SPOCK1: variants seen among roughly 807,000 people sequenced by gnomAD.
SPOCK1 encodes the protein testican-1.
In SPOCK1, 23 loss-of-function variants were observed where a neutral mutation model predicts 55.3. That is an observed-to-expected ratio of 0.42 (90% CI 0.30 to 0.59). The LOEUF is 0.59. Among genes scored for constraint, SPOCK1 ranks in the 20% least tolerant of loss-of-function variants. SPOCK1 has a pLI of 0.22. For missense variants in SPOCK1, 499 were observed against 552.5 expected (o/e 0.90, Z 0.97); for synonymous variants, 226 against 221.0 (o/e 1.02, Z -0.20).
chr5:137,205,181 G>A (rs1047973431), intron 3 of SPOCK1, among the ~76,000 whole-genome samples: 1 of 152,200 alleles, frequency 6.6e-6, no homozygotes, highest in African/African-American at 2.4e-5. Flanking sequence ...TCACTGTGTA[G>A]CACAGAATTT....
intron 2 of SPOCK1, among the ~76,000 whole-genome samples, chr5:137,379,744 G>A (rs938959810): frequency 6.6e-6 from 1 of 152,170 alleles, no homozygotes; most frequent in South Asian, 2.1e-4. Flanking sequence ...GCCAAGACAT[G>A]CTTGGCAGTG....
At chr5:137,405,973 T>C (rs561201968) in intron 2 of SPOCK1, among the ~76,000 whole-genome samples, 22 of 152,190 alleles carry the variant, frequency 1.4e-4, no homozygotes, top group Non-Finnish European at 1.5e-4. Context: ...CAGAAGACTG[T>C]GGCTGGAAGG....
chr5:137,335,355 G>C (rs1750235117), intron 2 of SPOCK1, among the ~76,000 whole-genome samples: 1 of 152,206 alleles, frequency 6.6e-6, no homozygotes, highest in Admixed American at 6.5e-5. Flanking sequence ...AGGAATAAGA[G>C]AAGGCAATAT....
chr5:137,074,951 C>A (rs954366799), intron 5 of SPOCK1, among the ~76,000 whole-genome samples: 7 of 152,170 alleles, frequency 4.6e-5, no homozygotes, highest in Non-Finnish European at 8.8e-5. Context: ...GATCAGCCCA[C>A]CTCGGCCTCC....
intron 2 of SPOCK1, among the ~76,000 whole-genome samples, chr5:137,323,330 G>T (rs1332891103): frequency 6.6e-6 from 1 of 152,070 alleles, no homozygotes; most frequent in African/African-American, 2.4e-5. Context: ...GGTGGAAAAA[G>T]ATATTCCATG....
At chr5:137,229,912 T>C (rs1457148997) in intron 3 of SPOCK1, among the ~76,000 whole-genome samples, 2 of 152,106 alleles carry the variant, frequency 1.3e-5, no homozygotes, top group Non-Finnish European at 2.9e-5. Flanking sequence ...GCTCAGGCAG[T>C]AAGGCTCACT....
intron 6 of SPOCK1, among the ~76,000 whole-genome samples, chr5:137,010,292 A>G (rs377251068): frequency 3.9e-5 from 6 of 152,090 alleles, no homozygotes; most frequent in African/African-American, 1.4e-4. Flanking sequence ...CGCTGCTCCA[A>G]TTACCATAAC....
In SPOCK1 at chr5:136,988,615, G is replaced by A. The variant is rs1438473744; in HGVS notation, c.735C>T (p.Cys245=). Residue 245 remains cysteine, a synonymous_variant, in exon 8 of 11, where the codon TGC becomes TGT. Transcript: ENST00000394945. ...TGAACATCCAGCCCAGGGAGTCCTT[G>A]CAGATGGGCAGGATGCTAGTGTCAA... ...GRFDTSILPI[C]KDSLGWMFNK... 3 of 1,613,462 alleles carry A rather than the reference G, an allele frequency of 1.9e-6. No individual in the cohort carries two copies. In the Admixed American group the frequency reaches 5.0e-5, roughly 27 times the overall value.
At chr5:137,409,434 G>A (rs2127188157) in intron 2 of SPOCK1, among the ~76,000 whole-genome samples, 1 of 152,302 alleles carries the variant, frequency 6.6e-6, no homozygotes, top group East Asian at 1.9e-4. Flanking sequence ...TCTGGAGGAG[G>A]AAGTCTGGCC....
At chr5:137,020,891 A>T (rs1751552041) in intron 6 of SPOCK1, among the ~76,000 whole-genome samples, 1 of 152,076 alleles carries the variant, frequency 6.6e-6, no homozygotes, top group South Asian at 2.1e-4. Flanking sequence ...CAACCTAAAA[A>T]AATAGAAAAG....
At chr5:137,376,708 GTTT>G (rs200106050) in intron 2 of SPOCK1, among the ~76,000 whole-genome samples, 23 of 151,772 alleles carry the variant, frequency 1.5e-4, no homozygotes, top group Admixed American at 6.6e-4. Flanking sequence ...TCAGGCTCTT[GTTT>G]TTTTTCTCTT....
At chr5:137,280,818 G>C (rs1178247054) in intron 2 of SPOCK1, among the ~76,000 whole-genome samples, 2 of 152,152 alleles carry the variant, frequency 1.3e-5, no homozygotes, top group African/African-American at 4.8e-5. Flanking sequence ...AGATGCCACA[G>C]TGATTACTTC....
intron 2 of SPOCK1, among the ~76,000 whole-genome samples, chr5:137,356,617 C>T (rs1257378576): frequency 6.6e-6 from 1 of 150,554 alleles, no homozygotes; most frequent in Non-Finnish European, 1.5e-5. Flanking sequence ...ATGGCAAAAC[C>T]CCTGTCTCTA....
chr5:137,377,339 A>T (rs778156180), intron 2 of SPOCK1, among the ~76,000 whole-genome samples: 4 of 152,162 alleles, frequency 2.6e-5, no homozygotes, highest in African/African-American at 4.8e-5. Context: ...GGGGAAAGAC[A>T]GGGAGGTACC....
intron 5 of SPOCK1, among the ~76,000 whole-genome samples, chr5:137,089,872 C>A (rs1379614643): frequency 6.6e-6 from 1 of 152,158 alleles, no homozygotes; most frequent in Non-Finnish European, 1.5e-5. Context: ...TCAAAGATAA[C>A]TGCACAGTTT....
intron 6 of SPOCK1, among the ~76,000 whole-genome samples, chr5:137,016,506 C>T (rs1751450110): frequency 6.6e-6 from 1 of 152,124 alleles, no homozygotes; most frequent in Non-Finnish European, 1.5e-5. Context: ...AAATCCTATA[C>T]CAAACAATAA....
At chr5:137,198,605 G>A (rs1380050687) in intron 3 of SPOCK1, among the ~76,000 whole-genome samples, 1 of 152,038 alleles carries the variant, frequency 6.6e-6, no homozygotes, top group Non-Finnish European at 1.5e-5. Context: ...GAAATTTTTT[G>A]CTCATCTCTG....
intron 5 of SPOCK1, among the ~76,000 whole-genome samples, chr5:137,084,415 C>A (rs529050554): frequency 1.3e-5 from 2 of 152,004 alleles, no homozygotes; most frequent in South Asian, 4.2e-4. Flanking sequence ...GCATGGATAA[C>A]GTCTTTCTTC....
chr5:137,252,522 G>A (rs1374570740), intron 3 of SPOCK1, among the ~76,000 whole-genome samples: 1 of 152,110 alleles, frequency 6.6e-6, no homozygotes, highest in Non-Finnish European at 1.5e-5. Context: ...TTTCCTGACT[G>A]ATCCCTGCCC....
Sources: allele counts gnomAD v4.1 joint callset (sites outside exome capture counted in the v4.1 genomes callset), GRCh38; gene constraint gnomAD v4.1.1; transcripts MANE v1.5; gene names NCBI Gene and HGNC (gene_info 2026-07-23, HGNC 2026-07-21).